The following RORB variants were observed in gnomAD, a reference collection of about 807,000 sequenced individuals.
RORB encodes the protein nuclear receptor ROR-beta.
A neutral mutation model predicts 59.1 loss-of-function variants in RORB; 6 were observed. The ratio of observed to expected loss-of-function variants is 0.10; its 90% CI spans 0.06 to 0.20. RORB has a LOEUF of 0.20. Ranked by LOEUF, RORB falls within the 10% of genes least tolerant of loss-of-function variation. The pLI, the probability that RORB is intolerant of heterozygous loss-of-function variation, is 1.00. For missense variants in RORB, 320 were observed against 560.5 expected (o/e 0.57, Z 4.33); for synonymous variants, 215 against 204.5 (o/e 1.05, Z -0.44).
chr9:74,648,248 C>G (rs1428049170), intron 4 of RORB, among the ~76,000 whole-genome samples: 1 of 152,208 alleles, frequency 6.6e-6, no homozygotes, highest in Non-Finnish European at 1.5e-5. Context: ...CTCTCACCCC[C>G]ACCCCAACCA....
intron 1 of RORB, among the ~76,000 whole-genome samples, chr9:74,527,840 C>G (rs1826178557): frequency 6.6e-6 from 1 of 151,940 alleles, no homozygotes; most frequent in Non-Finnish European, 1.5e-5. Flanking sequence ...CAAAATATTT[C>G]TCTCTGTGTA....
intron 4 of RORB, among the ~76,000 whole-genome samples, chr9:74,659,480 G>A (rs939767023): frequency 7.4e-5 from 11 of 149,642 alleles, no homozygotes; most frequent in African/African-American, 2.4e-4. Flanking sequence ...CTCACAGCAG[G>A]CTTGTTTTGT....
chr9:74,501,827 G>A (rs1428112522), intron 1 of RORB, among the ~76,000 whole-genome samples: 1 of 152,080 alleles, frequency 6.6e-6, no homozygotes, highest in Non-Finnish European at 1.5e-5. Flanking sequence ...TAACAATCAC[G>A]AATTGGGAAA....
At chr9:74,667,754 C>G (rs771056357) in intron 7 of RORB, 37 bp from the exon 8 acceptor site, 27 of 1,307,242 alleles carry the variant, frequency 2.1e-5, no homozygotes, top group Non-Finnish European at 2.8e-5. Flanking sequence ...ATTTCAAGTT[C>G]AAGTATTTTT....
chr9:74,667,881 C>G lies in RORB; in HGVS notation c.1091C>G (p.Ser364Cys). The change falls in exon 8 of 10, where the codon TCT becomes TGT. Residue 364 changes from serine to cysteine, a missense_variant. Ser to Cys is a moderately radical substitution (Grantham distance 112, BLOSUM62 -1). Coordinates refer to ENST00000376896, the MANE Select transcript of RORB (RefSeq NM_006914.4). ...GAGGAGGAGATCGCTTTGTTCTCAT[C>G]TGCTGTTCTGATATCTCCAGGTAGG... ...LTEEEIALFS[S>C]AVLISPDRAW... The G allele has an allele frequency of 6.2e-7, 1 of 1,609,030 alleles. No homozygotes were observed. Among genetic ancestry groups the G allele is most frequent in the Non-Finnish European group, 8.5e-7 (1 of 1,175,396 alleles).
intron 4 of RORB, among the ~76,000 whole-genome samples, chr9:74,644,747 A>C (rs1823868073): frequency 6.6e-6 from 1 of 152,232 alleles, no homozygotes; most frequent in African/African-American, 2.4e-5. Flanking sequence ...ATCCTTATAA[A>C]ACAAAAACTC....
chr9:74,507,966 AT>A (rs1417830659), intron 1 of RORB, among the ~76,000 whole-genome samples: 3 of 151,938 alleles, frequency 2.0e-5, no homozygotes, highest in Non-Finnish European at 4.4e-5. Context: ...GCAATACTTT[AT>A]TTTTTACAAA....
At chr9:74,680,906 A>T (rs1240788451) in intron 9 of RORB, among the ~76,000 whole-genome samples, 1 of 152,130 alleles carries the variant, frequency 6.6e-6, no homozygotes, top group Non-Finnish European at 1.5e-5. Flanking sequence ...TACCAGTTAT[A>T]AAATTGTGAA....
At chr9:74,622,064 A>C (rs1823429458) in intron 1 of RORB, among the ~76,000 whole-genome samples, 1 of 151,822 alleles carries the variant, frequency 6.6e-6, no homozygotes. Flanking sequence ...TTCTGAAACG[A>C]TATATTTTGC....
intron 5 of RORB, 118 bp downstream of exon 5, chr9:74,660,856 A>G: frequency 9.7e-7 from 1 of 1,029,410 alleles, no homozygotes; most frequent in Non-Finnish European, 1.4e-6. Context: ...CATCCTGCAA[A>G]TTGTTCGATA....
chr9:74,622,505 C>T (rs1377751154), intron 1 of RORB, among the ~76,000 whole-genome samples: 1 of 136,410 alleles, frequency 7.3e-6, no homozygotes, highest in East Asian at 2.3e-4. Context: ...CACAGAGATG[C>T]TGTTACAACC....
At chr9:74,627,761 T>A (rs1823544063) in intron 1 of RORB, among the ~76,000 whole-genome samples, 1 of 151,866 alleles carries the variant, frequency 6.6e-6, no homozygotes, top group African/African-American at 2.4e-5. Flanking sequence ...AATTTTGTAA[T>A]CGTTATAAAC....
intron 4 of RORB, among the ~76,000 whole-genome samples, chr9:74,652,833 G>T (rs1554673178): frequency 6.6e-6 from 1 of 152,068 alleles, no homozygotes; most frequent in Non-Finnish European, 1.5e-5. Context: ...AATTATTGAT[G>T]CCCCCAATTT....
chr9:74,562,828 C>T (rs993115288), intron 1 of RORB, among the ~76,000 whole-genome samples: 2 of 152,164 alleles, frequency 1.3e-5, no homozygotes, highest in African/African-American at 4.8e-5. Flanking sequence ...AAAATACTCC[C>T]ATGTATACCT....
At chr9:74,623,529 C>T (rs1823458721) in intron 1 of RORB, among the ~76,000 whole-genome samples, 1 of 151,858 alleles carries the variant, frequency 6.6e-6, no homozygotes, top group Non-Finnish European at 1.5e-5. Flanking sequence ...AAAGCAGAGA[C>T]CACTTTTCCA....
chr9:74,631,963 T>C (rs545042306), intron 2 of RORB, among the ~76,000 whole-genome samples: 2 of 152,216 alleles, frequency 1.3e-5, no homozygotes, highest in Non-Finnish European at 2.9e-5. Context: ...ATCCTCTCCA[T>C]TGAAAGTATT....
At chr9:74,499,464 C>A (rs1029157531) in intron 1 of RORB, among the ~76,000 whole-genome samples, 1 of 152,066 alleles carries the variant, frequency 6.6e-6, no homozygotes, top group African/African-American at 2.4e-5. Flanking sequence ...GAAGAAGGAA[C>A]GGAGAGAGAC....
intron 1 of RORB, among the ~76,000 whole-genome samples, chr9:74,613,994 T>A (rs1190479664): frequency 6.6e-6 from 1 of 152,248 alleles, no homozygotes; most frequent in African/African-American, 2.4e-5. Flanking sequence ...GCATCTGGGC[T>A]GATTGCATGT....
At position 74,692,793 on chromosome 9, in the gene RORB, A is replaced by G. The variant is rs1034027612; in HGVS notation, c.*7175A>G. The G allele has an allele frequency of 2.6e-5, 4 of 152,216 alleles. No individual in the cohort carries two copies. Among genetic ancestry groups the G allele is most frequent in the African/African-American group, 9.6e-5 (4 of 41,464 alleles). 9.4% of individuals were successfully genotyped at this position (152,216 alleles called of 1,614,324 possible). ...GGCCTGTAGAGGAAAAAGGCAAACC[A>G]CAAATAAACCCAGTGACATATATAG... On this transcript the variant is annotated 3_prime_UTR_variant, in exon 10 of 10. Coordinates refer to ENST00000376896, the MANE Select transcript of RORB (RefSeq NM_006914.4).
Sources: allele counts gnomAD v4.1 joint callset (sites outside exome capture counted in the v4.1 genomes callset), GRCh38; gene constraint gnomAD v4.1.1; transcripts MANE v1.5; gene names NCBI Gene and HGNC (gene_info 2026-07-23, HGNC 2026-07-21).